The following PI4KA variants were observed in gnomAD, a reference collection of about 807,000 sequenced individuals.
PI4KA encodes the protein PI4-kinase alpha.
PI4KA carries 122 observed loss-of-function variants against 271.4 expected under a neutral mutation model. The ratio of observed to expected loss-of-function variants is 0.45; its 90% confidence interval spans 0.39 to 0.52. The LOEUF (loss-of-function observed/expected upper bound fraction) is 0.52. PI4KA is among the 20% of genes least tolerant of loss of function. PI4KA has a pLI of 0.00. For missense variants in PI4KA, 1,969 were observed against 2,769.1 expected, an observed-to-expected ratio of 0.71 and a Z score of 6.48; for synonymous variants, 1,041 against 1,078.8, an observed-to-expected ratio of 0.96 and a Z score of 0.69.
At chr22:20,808,234 G>A (rs147051284) in intron 9 of PI4KA, among the ~76,000 whole-genome samples, 4,486 of 150,878 alleles carry the variant, frequency 0.03, 92 homozygotes, top group Middle Eastern at 0.061. Flanking sequence ...AGGTTGTGGT[G>A]AGCAGAGATC....
intron 19 of PI4KA, among the ~76,000 whole-genome samples, chr22:20,778,477 C>A (rs936586656): frequency 2.6e-5 from 4 of 152,124 alleles, no homozygotes; most frequent in Non-Finnish European, 4.4e-5. Flanking sequence ...GCACTCCAGC[C>A]TGGGTGACAG....
At chr22:20,779,756 C>G (rs560368734) in intron 19 of PI4KA, 1 of 1,614,188 alleles carries the variant, frequency 6.2e-7, no homozygotes, top group Non-Finnish European at 8.5e-7. Context: ...TCAACACTTT[C>G]GATAACATCT....
chr22:20,846,337 T>C (rs1210693741), intron 1 of PI4KA, among the ~76,000 whole-genome samples: 1 of 148,170 alleles, frequency 6.7e-6, no homozygotes, highest in Non-Finnish European at 1.5e-5. Context: ...ATGAGCAAAT[T>C]AAGAAAACTA....
intron 22 of PI4KA, among the ~76,000 whole-genome samples, chr22:20,761,595 A>G (rs758453802): frequency 6.6e-5 from 10 of 152,168 alleles, no homozygotes; most frequent in Admixed American, 1.3e-4. Flanking sequence ...CACCATTAGG[A>G]TATATCTTCA....
chr22:20,727,823 A>T lies in PI4KA; in HGVS notation c.4724T>A (p.Leu1575His). The T allele has an allele frequency of 1.9e-6, 3 of 1,614,164 alleles. No individual in the cohort carries two copies. Among genetic ancestry groups the T allele is most frequent in the Non-Finnish European group, 2.5e-6 (3 of 1,180,020 alleles). Residue 1575 changes from leucine (L) to histidine (H), a missense_variant, in exon 40 of 55, where the codon CTC becomes CAC. Coordinates refer to ENST00000255882, the MANE Select transcript of PI4KA (RefSeq NM_058004.4). The stretch of plus-strand genomic sequence containing the variant: ...AACGGCTCCCGGGTCCAACCGAACG[A>T]GACGGGTCACTTCGTTCCCAATGGC... ...TEAIGNEVTR[L>H]VRLDPGAVSD...
rs150063802 is a variant in PI4KA, at chr22:20,714,713, A to G, written c.5318-13T>C. The stretch of plus-strand genomic sequence containing the variant: ...GGCAGGTAGCAGCCTGTGCAGGGAC[A>G]GAGGCAGTCACAGGGAGTGCATGTG... On this transcript the variant is annotated splice_polypyrimidine_tract_variant and intron_variant, in intron 45 of 54. Coordinates refer to ENST00000255882, the MANE Select transcript of PI4KA (RefSeq NM_058004.4). 557 of 1,612,816 alleles carry G rather than the reference A, an allele frequency of 3.5e-4. No homozygotes were observed. The African/African-American group carries it at 5.9e-3, about 17-fold the overall frequency.
chr22:20,757,913 G>T (rs945471027), intron 23 of PI4KA, among the ~76,000 whole-genome samples: 5 of 152,026 alleles, frequency 3.3e-5, no homozygotes, highest in Non-Finnish European at 7.4e-5. Context: ...TCTTCTAGAG[G>T]TTGGCAGTTT....
chr22:20,817,858 C>T (rs534258849), intron 7 of PI4KA, among the ~76,000 whole-genome samples: 1 of 147,692 alleles, frequency 6.8e-6, no homozygotes, highest in East Asian at 2.1e-4. Context: ...GGTGTGGTGG[C>T]TCATGCATGT....
At chr22:20,768,601 C>A (rs1349749339) in intron 19 of PI4KA, among the ~76,000 whole-genome samples, 1 of 152,148 alleles carries the variant, frequency 6.6e-6, no homozygotes, top group East Asian at 1.9e-4. Flanking sequence ...CTTCCATCAA[C>A]ATGTTCCTTT....
intron 19 of PI4KA, among the ~76,000 whole-genome samples, chr22:20,767,879 C>A (rs900882611): frequency 1.3e-5 from 2 of 151,534 alleles, no homozygotes; most frequent in African/African-American, 4.8e-5. Context: ...AAGTGATCTG[C>A]CCGCCTCAGC....
intron 19 of PI4KA, chr22:20,787,738 T>G (rs920897083): frequency 6.5e-6 from 1 of 154,336 alleles, no homozygotes; most frequent in Admixed American, 6.3e-5. Context: ...TATAATTCTC[T>G]ATTTTTTGAA....
chr22:20,835,961 T>C (rs923482938), intron 2 of PI4KA, among the ~76,000 whole-genome samples: 2 of 151,430 alleles, frequency 1.3e-5, no homozygotes, highest in Non-Finnish European at 1.5e-5. Context: ...GGCATGATAA[T>C]GGCATAAGTA....
Position 20,742,227 on chromosome 22 carries a change from C to T in PI4KA, c.3741+1G>A, listed in dbSNP as rs768953575. The T allele has an allele frequency of 8.7e-6, 14 of 1,613,848 alleles. No homozygotes were observed. In the Admixed American group the frequency reaches 2.3e-4, roughly 27 times the overall value. ...CTGCCAACCCGAGGTCAGGGTCCTA[C>T]CGGCACTTCCACTCCATCCTTGCCA... On this transcript the variant is annotated splice_donor_variant, in intron 32 of 54. Coordinates refer to ENST00000255882, the MANE Select transcript of PI4KA (RefSeq NM_058004.4). LOFTEE classifies it high-confidence loss of function.
chr22:20,784,765 G>A (rs1029236691), intron 19 of PI4KA, among the ~76,000 whole-genome samples: 1 of 152,128 alleles, frequency 6.6e-6, no homozygotes, highest in Non-Finnish European at 1.5e-5. Flanking sequence ...TAAAACTGCA[G>A]GTGTTAAGTA....
At chr22:20,780,267 T>TGA (rs1252545846) in intron 19 of PI4KA, 19 of 1,606,794 alleles carry the variant, frequency 1.2e-5, no homozygotes, top group Non-Finnish European at 1.6e-5. Context: ...GTGGGTAGAT[T>TGA]GAATGCCAAG....
intron 2 of PI4KA, among the ~76,000 whole-genome samples, chr22:20,837,706 A>T (rs948264704): frequency 6.6e-6 from 1 of 152,238 alleles, no homozygotes; most frequent in Admixed American, 6.5e-5. Flanking sequence ...ATATCCAATG[A>T]TCAATCATTT....
chr22:20,825,025 G>T (rs562726372), intron 3 of PI4KA, among the ~76,000 whole-genome samples: 1 of 119,516 alleles, frequency 8.4e-6, no homozygotes, highest in African/African-American at 3.3e-5. Flanking sequence ...AGCCGAGATC[G>T]CACCACTGTA....
chr22:20,771,329 A>G (rs924034108), intron 19 of PI4KA, among the ~76,000 whole-genome samples: 3 of 151,734 alleles, frequency 2.0e-5, no homozygotes, highest in Non-Finnish European at 4.4e-5. Flanking sequence ...AGGCTGAGGC[A>G]GGAGAATGGC....
At chr22:20,726,796 C>A (rs1160223256) in intron 41 of PI4KA, among the ~76,000 whole-genome samples, 1 of 152,176 alleles carries the variant, frequency 6.6e-6, no homozygotes, top group Non-Finnish European at 1.5e-5. Context: ...AGGGAATGGT[C>A]TGCTGTGGGT....
Sources: allele counts gnomAD v4.1 joint callset (sites outside exome capture counted in the v4.1 genomes callset), GRCh38; gene constraint gnomAD v4.1.1; transcripts MANE v1.5; gene names NCBI Gene and HGNC (gene_info 2026-07-23, HGNC 2026-07-21).